The following BMAL2 variants were observed in gnomAD, a reference collection of about 807,000 sequenced individuals.
The protein encoded by BMAL2 is basic helix-loop-helix ARNT like 2.
At chr12:27,412,747 A>G in the BMAL2 span, among the ~76,000 whole-genome samples, 2 of 152,110 alleles carry the variant, frequency 1.3e-5, no homozygotes, top group Non-Finnish European at 2.9e-5. Context: ...AGAGAAGGGA[A>G]TGTTCATTGA....
At chr12:27,373,322 C>G in the BMAL2 span, among the ~76,000 whole-genome samples, 15 of 152,130 alleles carry the variant, frequency 9.9e-5, no homozygotes, top group Non-Finnish European at 2.9e-5. Flanking sequence ...TATTTTCATT[C>G]ACTTAGATTG....
At chr12:27,402,558 G>A in the BMAL2 span, 4 of 1,353,246 alleles carry the variant, frequency 3.0e-6, no homozygotes, top group Non-Finnish European at 4.2e-6. Context: ...TCTTAGTGTA[G>A]TTGCTATAAC....
chr12:27,390,390 C>T, the BMAL2 span: 1 of 817,376 alleles, frequency 1.2e-6, no homozygotes, highest in Admixed American at 3.0e-5. Flanking sequence ...ACCAAAATTA[C>T]TTACATTTGT....
At chr12:27,374,817 C>T in the BMAL2 span, among the ~76,000 whole-genome samples, 2 of 152,190 alleles carry the variant, frequency 1.3e-5, no homozygotes, top group Non-Finnish European at 2.9e-5. Flanking sequence ...CTTTACTCAA[C>T]TCCTTCATCT....
At chr12:27,377,913 G>A in the BMAL2 span, among the ~76,000 whole-genome samples, 2 of 152,074 alleles carry the variant, frequency 1.3e-5, no homozygotes, top group African/African-American at 4.8e-5. Flanking sequence ...AGGGGGTGTG[G>A]TAGCTCCCAC....
At chr12:27,346,284 G>A in the BMAL2 span, among the ~76,000 whole-genome samples, 3 of 151,936 alleles carry the variant, frequency 2.0e-5, no homozygotes, top group African/African-American at 4.8e-5. Context: ...GTTTTGAGGC[G>A]GAGTCTCACT....
At chr12:27,358,912 A>G in the BMAL2 span, among the ~76,000 whole-genome samples, 1 of 149,650 alleles carries the variant, frequency 6.7e-6, no homozygotes, top group Non-Finnish European at 1.5e-5. Flanking sequence ...GTGTAATACT[A>G]TCTATACATG....
chr12:27,420,011 T>TTG, the BMAL2 span, among the ~76,000 whole-genome samples: 4 of 67,724 alleles, frequency 5.9e-5, no homozygotes, highest in African/African-American at 3.0e-4. Context: ...CTTCCAGGGT[T>TTG]TGCGCGTGCA....
the BMAL2 span, among the ~76,000 whole-genome samples, chr12:27,419,203 C>A: frequency 6.6e-6 from 1 of 152,046 alleles, no homozygotes; most frequent in African/African-American, 2.4e-5. Flanking sequence ...AAGTCCAGAT[C>A]AAGTAAATTG....
the BMAL2 span, among the ~76,000 whole-genome samples, chr12:27,381,759 C>T: frequency 5.3e-5 from 8 of 152,044 alleles, no homozygotes; most frequent in African/African-American, 1.4e-4. Context: ...TTACCAATGC[C>T]GATGATGTAA....
chr12:27,395,469 T>C, the BMAL2 span, among the ~76,000 whole-genome samples: 1 of 152,130 alleles, frequency 6.6e-6, no homozygotes, highest in Non-Finnish European at 1.5e-5. Flanking sequence ...ATGTCCTCCG[T>C]GGAACTGCAT....
At chr12:27,377,980 A>G in the BMAL2 span, among the ~76,000 whole-genome samples, 1 of 152,048 alleles carries the variant, frequency 6.6e-6, no homozygotes, top group African/African-American at 2.4e-5. Flanking sequence ...GAAAAATTAC[A>G]CTTTCTTTTA....
the BMAL2 span, among the ~76,000 whole-genome samples, chr12:27,359,838 C>T: frequency 6.6e-6 from 1 of 151,948 alleles, no homozygotes; most frequent in Admixed American, 6.6e-5. Flanking sequence ...TCTGTTTATT[C>T]CATGAACTGA....
At chr12:27,419,382 A>T in the BMAL2 span, among the ~76,000 whole-genome samples, 1 of 152,192 alleles carries the variant, frequency 6.6e-6, no homozygotes, top group Non-Finnish European at 1.5e-5. Flanking sequence ...CCCATGGCGG[A>T]AGGCAGAAGG....
At chr12:27,386,014 CTG>C in the BMAL2 span, among the ~76,000 whole-genome samples, 3 of 152,130 alleles carry the variant, frequency 2.0e-5, no homozygotes, top group African/African-American at 7.2e-5. Context: ...AGAGGGGAAA[CTG>C]TGATCATGTG....
the BMAL2 span, among the ~76,000 whole-genome samples, chr12:27,379,436 G>C: frequency 2.0e-5 from 3 of 152,180 alleles, no homozygotes; most frequent in Non-Finnish European, 4.4e-5. Flanking sequence ...GGAGAGAGCG[G>C]TGCTAAGCAG....
chr12:27,411,984 G>C, the BMAL2 span, among the ~76,000 whole-genome samples: 1 of 152,260 alleles, frequency 6.6e-6, no homozygotes, highest in African/African-American at 2.4e-5. Flanking sequence ...TAGGTCTTAA[G>C]GTCCTAAGTT....
chr12:27,346,777 GC>G, the BMAL2 span, among the ~76,000 whole-genome samples: 1 of 152,128 alleles, frequency 6.6e-6, no homozygotes, highest in African/African-American at 2.4e-5. Context: ...TCGGATGTTT[GC>G]CCCCTCCAAA....
At chr12:27,356,100 A>G in the BMAL2 span, among the ~76,000 whole-genome samples, 1 of 152,212 alleles carries the variant, frequency 6.6e-6, no homozygotes, top group Non-Finnish European at 1.5e-5. Flanking sequence ...CAGCTGAGCC[A>G]TATTTCCCCA....
Sources: allele counts gnomAD v4.1 joint callset (sites outside exome capture counted in the v4.1 genomes callset), GRCh38; gene constraint gnomAD v4.1.1; transcripts MANE v1.5; gene names NCBI Gene and HGNC (gene_info 2026-07-23, HGNC 2026-07-21).